Variants in NTM observed in about 807,000 individuals in gnomAD.
NTM encodes the protein neurotrimin, also known as IgLON family member 2.
In NTM, 13 loss-of-function variants were observed where a neutral mutation model predicts 42.1. The observed-to-expected ratio is 0.31, with a 90% CI of 0.20 to 0.49. The LOEUF (loss-of-function observed/expected upper bound fraction) is 0.49. Among genes scored for constraint, NTM ranks in the 20% least tolerant of loss-of-function variants. NTM has a pLI of 0.99. For synonymous variants in NTM, 187 were observed against 179.2 expected (o/e 1.04, Z -0.35); for missense variants, 373 against 452.8 (o/e 0.82, Z 1.60).
At chr11:131,513,692 A>C (rs898475303) in intron 1 of NTM, among the ~76,000 whole-genome samples, 4 of 152,228 alleles carry the variant, frequency 2.6e-5, no homozygotes, top group African/African-American at 9.7e-5. Context: ...TAGCAGTGTG[A>C]TAATATTGAT....
At chr11:131,696,562 C>A (rs1471940735) in intron 1 of NTM, among the ~76,000 whole-genome samples, 1 of 152,146 alleles carries the variant, frequency 6.6e-6, no homozygotes, top group African/African-American at 2.4e-5. Flanking sequence ...CTTTCGTACA[C>A]CCTGTAGCTA....
intron 1 of NTM, among the ~76,000 whole-genome samples, chr11:131,478,580 A>G (rs961414853): frequency 3.3e-5 from 5 of 152,206 alleles, no homozygotes; most frequent in African/African-American, 7.2e-5. Flanking sequence ...ACCATTGCTA[A>G]ATGAATGAAG....
At chr11:131,603,567 T>C (rs1439374992) in intron 1 of NTM, among the ~76,000 whole-genome samples, 1 of 152,126 alleles carries the variant, frequency 6.6e-6, no homozygotes, top group African/African-American at 2.4e-5. Flanking sequence ...AAGCTTAAAT[T>C]GTGAAATGTA....
chr11:131,682,853 G>T (rs988168950), intron 1 of NTM, among the ~76,000 whole-genome samples: 1 of 150,012 alleles, frequency 6.7e-6, no homozygotes, highest in Non-Finnish European at 1.5e-5. Flanking sequence ...GGTGGCAGCC[G>T]CTGTTTCCTG....
intron 1 of NTM, among the ~76,000 whole-genome samples, chr11:131,884,197 G>A (rs546469017): frequency 5.2e-4 from 79 of 152,078 alleles, no homozygotes; most frequent in Middle Eastern, 3.4e-3. Context: ...ATCACCTGAG[G>A]TCGGGAGTTT....
At chr11:131,944,817 G>C (rs533451526) in intron 2 of NTM, among the ~76,000 whole-genome samples, 1 of 152,132 alleles carries the variant, frequency 6.6e-6, no homozygotes, top group Non-Finnish European at 1.5e-5. Flanking sequence ...ATCATGCCAC[G>C]GCATCACCAT....
intron 1 of NTM, among the ~76,000 whole-genome samples, chr11:131,527,365 A>T (rs2050650303): frequency 6.6e-6 from 1 of 152,188 alleles, no homozygotes. Context: ...TATAACCAAC[A>T]GCTTGGTGAC....
At chr11:131,912,310 C>G (rs1198481649) in intron 2 of NTM, among the ~76,000 whole-genome samples, 1 of 152,196 alleles carries the variant, frequency 6.6e-6, no homozygotes, top group Non-Finnish European at 1.5e-5. Flanking sequence ...TTCCTGCTCT[C>G]CACCAAAACG....
chr11:132,077,810 A>G (rs893872970), intron 2 of NTM, among the ~76,000 whole-genome samples: 1 of 152,216 alleles, frequency 6.6e-6, no homozygotes, highest in East Asian at 1.9e-4. Context: ...TTTGTTGCCC[A>G]TGCTGGTCTC....
chr11:131,562,689 A>G (rs2056392053), intron 1 of NTM, among the ~76,000 whole-genome samples: 1 of 152,196 alleles, frequency 6.6e-6, no homozygotes. Flanking sequence ...ACTCTGCAGA[A>G]GGCTAACATA....
intron 1 of NTM, among the ~76,000 whole-genome samples, chr11:131,485,710 A>G (rs1160103972): frequency 6.6e-6 from 1 of 152,204 alleles, no homozygotes; most frequent in Non-Finnish European, 1.5e-5. Context: ...GAAGGATCAG[A>G]TTATTCTCCA....
rs752839570 is a variant in NTM at position 132,307,793 on chromosome 11, G to A, written c.631G>A (p.Val211Met). 4.2e-5 allele frequency: 67 copies of A among 1,614,110 alleles called. No homozygotes were observed. The highest frequency in any genetic ancestry group is 1.7e-4 in the Admixed American group (10 of 60,006). Residue 211 changes from valine to methionine, a missense_variant, in exon 5 of 9, where the codon GTG becomes ATG. By Grantham distance (21) the Val-to-Met change is conservative (BLOSUM62 1). This residue lies in a region of NTM where 312 missense variants were observed against 353.5 expected (regional missense o/e 0.88). Coordinates refer to ENST00000683400, the MANE Select transcript of NTM (RefSeq NM_001352005.2). ...CSASNDVAAP[V>M]VRRVKVTVNY... ...TGCCTCCAATGACGTGGCCGCGCCCGTGGTACGGAGAGTAAAGGTCACCGT... is the reference window on the plus strand; with the variant it reads ...TGCCTCCAATGACGTGGCCGCGCCCATGGTACGGAGAGTAAAGGTCACCGT...
intron 1 of NTM, among the ~76,000 whole-genome samples, chr11:131,693,516 G>T (rs1033746139): frequency 2.0e-5 from 3 of 152,150 alleles, no homozygotes; most frequent in Admixed American, 2.0e-4. Context: ...CTCAGGCCCC[G>T]TGCCTGACTT....
chr11:131,861,223 C>A (rs1024164459), intron 1 of NTM, among the ~76,000 whole-genome samples: 2 of 152,114 alleles, frequency 1.3e-5, no homozygotes, highest in Admixed American at 1.3e-4. Context: ...ACATCAACAC[C>A]AAAATATTAA....
rs188480166 is a variant in NTM, at chr11:132,154,331, G to A, written c.400+7817G>A. Among the ~76,000 whole-genome samples, 19 of 152,240 alleles carry A rather than the reference G, an allele frequency of 1.2e-4. No homozygotes were observed. In the East Asian group the frequency reaches 3.5e-3, roughly 28 times the overall value. The stretch of plus-strand genomic sequence containing the variant: ...CAAACACCTAAGTCAATAAATCTTG[G>A]GTAGAAAGGAGATATATTGGAAGGA... On this transcript the variant is annotated intron_variant, in intron 3 of 8. Transcript: ENST00000683400.
chr11:131,820,842 G>A (rs1236412487), intron 1 of NTM, among the ~76,000 whole-genome samples: 5 of 152,064 alleles, frequency 3.3e-5, no homozygotes, highest in South Asian at 2.1e-4. Context: ...TCCATTTGTC[G>A]GAGGATGTTC....
intron 1 of NTM, among the ~76,000 whole-genome samples, chr11:131,504,780 C>T (rs981024682): frequency 6.6e-6 from 1 of 152,066 alleles, no homozygotes; most frequent in Non-Finnish European, 1.5e-5. Flanking sequence ...GTAAATTTCC[C>T]GCACTGTGCA....
At chr11:131,752,134 C>A (rs1342545337) in intron 1 of NTM, among the ~76,000 whole-genome samples, 1 of 152,138 alleles carries the variant, frequency 6.6e-6, no homozygotes, top group Non-Finnish European at 1.5e-5. Flanking sequence ...GGATATAGAG[C>A]CACTGTAACT....
At chr11:132,285,472 G>A (rs1053488679) in intron 4 of NTM, among the ~76,000 whole-genome samples, 10 of 152,138 alleles carry the variant, frequency 6.6e-5, no homozygotes, top group African/African-American at 2.4e-4. Flanking sequence ...ACCTGACTGA[G>A]ATGGCACTGC....
Sources: allele counts gnomAD v4.1 joint callset (sites outside exome capture counted in the v4.1 genomes callset), GRCh38; gene constraint gnomAD v4.1.1; regional missense constraint gnomAD v4.1.1; transcripts MANE v1.5; gene names NCBI Gene and HGNC (gene_info 2026-07-23, HGNC 2026-07-21).